ITPR1: variants seen among roughly 807,000 people sequenced by gnomAD.
The protein encoded by ITPR1 is inositol 1,4,5-trisphosphate-gated calcium channel ITPR1.
ITPR1 carries 96 observed loss-of-function variants against 318.4 expected under a neutral mutation model. The observed-to-expected ratio is 0.30, with a 90% CI of 0.26 to 0.36. ITPR1 has a LOEUF of 0.36. Ranked by LOEUF, ITPR1 falls within the 10% of genes least tolerant of loss-of-function variation. The pLI, the probability that ITPR1 is intolerant of heterozygous loss-of-function variation, is 1.00. For missense variants in ITPR1, 2,440 were observed against 3,460.2 expected (o/e 0.71, Z 7.40); for synonymous variants, 1,312 against 1,289.9 (o/e 1.02, Z -0.37).
chr3:4,594,171 C>G (rs2090612969), intron 4 of ITPR1, among the ~76,000 whole-genome samples: 2 of 152,156 alleles, frequency 1.3e-5, no homozygotes, highest in Admixed American at 1.3e-4. Context: ...CCACCTTCAC[C>G]AGGGACTCAC....
intron 2 of ITPR1, among the ~76,000 whole-genome samples, chr3:4,505,249 G>C (rs1201664634): frequency 6.6e-6 from 1 of 152,146 alleles, no homozygotes; most frequent in African/African-American, 2.4e-5. Flanking sequence ...CTGGAGTGCA[G>C]TGGCATGATC....
intron 4 of ITPR1, among the ~76,000 whole-genome samples, chr3:4,582,518 C>T (rs1207592815): frequency 6.6e-6 from 1 of 152,110 alleles, no homozygotes; most frequent in Non-Finnish European, 1.5e-5. Context: ...GTGTGCTTCT[C>T]TATTCTGCTG....
chr3:4,766,717 G>A lies in ITPR1; in HGVS notation c.5725+7G>A, dbSNP rs548259854. ...GCCCCATCACGGAAAAAAGGTAAAT[G>A]TTCCTCAGTCTTCAGTCAGCTGGAT... On this transcript the variant is annotated splice_region_variant and intron_variant, in intron 45 of 61. Transcript: ENST00000649015. The A allele has an allele frequency of 1.3e-6, 2 of 1,589,018 alleles. No individual in the cohort carries two copies. The highest frequency in any genetic ancestry group is 2.3e-5 in the South Asian group (2 of 86,838).
At chr3:4,738,719 G>A (rs1384249688) in intron 44 of ITPR1, among the ~76,000 whole-genome samples, 5 of 151,812 alleles carry the variant, frequency 3.3e-5, no homozygotes, top group African/African-American at 1.2e-4. Flanking sequence ...TCTTTATCTT[G>A]TAAGGTCATT....
chr3:4,697,319 T>G (rs1030645558), intron 34 of ITPR1, 47 bp downstream of exon 34: 1 of 1,093,656 alleles, frequency 9.1e-7, no homozygotes, highest in African/African-American at 2.2e-5. Context: ...GTGAGAGGTG[T>G]GTGTGTGTGT....
At chr3:4,755,519 G>C (rs2044906525) in intron 44 of ITPR1, among the ~76,000 whole-genome samples, 2 of 151,494 alleles carry the variant, frequency 1.3e-5, no homozygotes, top group South Asian at 4.2e-4. Context: ...GATTACAGCT[G>C]TAAGCCACCA....
intron 53 of ITPR1, 65 bp downstream of exon 53, chr3:4,795,252 A>C: frequency 1.3e-6 from 2 of 1,529,156 alleles, no homozygotes; most frequent in Non-Finnish European, 1.8e-6. Context: ...CTTGCATCTC[A>C]GTTGTGGTTC....
At chr3:4,799,616 T>C (rs2048096008) in intron 53 of ITPR1, among the ~76,000 whole-genome samples, 1 of 152,156 alleles carries the variant, frequency 6.6e-6, no homozygotes, top group African/African-American at 2.4e-5. Context: ...AGACTCAAAA[T>C]GTGACAGCAT....
intron 44 of ITPR1, among the ~76,000 whole-genome samples, chr3:4,738,960 G>A (rs1490594668): frequency 6.6e-6 from 1 of 151,808 alleles, no homozygotes; most frequent in East Asian, 1.9e-4. Flanking sequence ...ACCCCTGGGG[G>A]GCCCAGTCTA....
intron 61 of ITPR1, among the ~76,000 whole-genome samples, chr3:4,844,956 T>C (rs2051649031): frequency 2.6e-5 from 4 of 152,226 alleles, no homozygotes; most frequent in Admixed American, 2.6e-4. Flanking sequence ...TCTCCAGATA[T>C]TTTGTACCAA....
At chr3:4,806,922 A>G (rs1009009720) in intron 55 of ITPR1, among the ~76,000 whole-genome samples, 5 of 152,162 alleles carry the variant, frequency 3.3e-5, no homozygotes, top group Non-Finnish European at 7.3e-5. Flanking sequence ...GTGGCGTTGT[A>G]GATAAGAAAC....
chr3:4,798,015 A>G lies in ITPR1; in HGVS notation c.6932-2410A>G, dbSNP rs185363298. On this transcript the variant is annotated intron_variant, in intron 53 of 61. Coordinates refer to ENST00000649015, the MANE Select transcript of ITPR1 (RefSeq NM_001378452.1). Reference sequence around the variant, plus strand: ...AGTTGATTTTTTGGAATCTAGCACTATGTTTTTTAACACTGCCGTTATAGT... The same window carrying G: ...AGTTGATTTTTTGGAATCTAGCACTGTGTTTTTTAACACTGCCGTTATAGT... Among the ~76,000 whole-genome samples, 307 of 152,312 alleles carry G rather than the reference A, an allele frequency of 2.0e-3. 1 individual carries two copies. Among genetic ancestry groups the G allele is most frequent in the African/African-American group, 7.2e-3 (299 of 41,570 alleles).
At chr3:4,564,917 A>G (rs571132261) in intron 4 of ITPR1, among the ~76,000 whole-genome samples, 36 of 152,328 alleles carry the variant, frequency 2.4e-4, no homozygotes, top group Non-Finnish European at 4.3e-4. Flanking sequence ...GAATTTTACA[A>G]TGGGGACGCA....
chr3:4,739,885 G>C (rs543569232), intron 44 of ITPR1, among the ~76,000 whole-genome samples: 2 of 152,306 alleles, frequency 1.3e-5, no homozygotes, highest in Admixed American at 1.3e-4. Flanking sequence ...TGAGAGCTCA[G>C]CTGGGGGTAC....
Position 4,847,215 on chromosome 3 carries a change from A to ACTAT in ITPR1, c.*993_*996dup, listed in dbSNP as rs1383980653. On this transcript the variant is annotated 3_prime_UTR_variant, in exon 62 of 62. Coordinates refer to ENST00000649015, the MANE Select transcript of ITPR1 (RefSeq NM_001378452.1). The stretch of plus-strand genomic sequence containing the variant: ...ACATCCATATAAAGATGAAATATGA[A>ACTAT]CTATCTCATTAGAAGTCATAGTTGA... 2.6e-5 allele frequency: 4 copies of ACTAT among 152,642 alleles called. No homozygotes were observed. The highest frequency in any genetic ancestry group is 4.4e-5 in the Non-Finnish European group (3 of 68,032). 9.5% of individuals were successfully genotyped at this position (152,642 alleles called of 1,614,324 possible).
chr3:4,780,617 C>T (rs2046765634), intron 49 of ITPR1, among the ~76,000 whole-genome samples: 1 of 152,158 alleles, frequency 6.6e-6, no homozygotes, highest in South Asian at 2.1e-4. Flanking sequence ...CCTGAATGTG[C>T]ACTTGGGGGC....
chr3:4,711,311 G>A (rs998658025), intron 38 of ITPR1, among the ~76,000 whole-genome samples: 1 of 151,914 alleles, frequency 6.6e-6, no homozygotes, highest in Non-Finnish European at 1.5e-5. Context: ...ACTTTTCTGG[G>A]CCCCTCTAAG....
Position 4,710,273 on chromosome 3 carries a change from C to T in ITPR1, c.4843-52C>T. On this transcript the variant is annotated intron_variant, in intron 37 of 61. Transcript: ENST00000649015. This position sits in a 1 kb window ranked among gnomAD's most constrained non-coding sequence, Gnocchi z 4.2. ...GGCAGAAATCAATGTCCTCACCCTC[C>T]TGTGGTCAGCGTCTGCCTGAGCCGT... is the stretch of plus-strand genomic sequence containing the variant. The T allele has an allele frequency of 1.4e-6, 2 of 1,465,778 alleles. No homozygotes were observed. Among genetic ancestry groups the T allele is most frequent in the South Asian group, 2.8e-5 (2 of 70,744 alleles). 90.8% of individuals were successfully genotyped at this position (1,465,778 alleles called of 1,614,324 possible).
intron 61 of ITPR1, among the ~76,000 whole-genome samples, chr3:4,842,771 A>G (rs1204508888): frequency 6.6e-6 from 1 of 152,226 alleles, no homozygotes; most frequent in Non-Finnish European, 1.5e-5. Flanking sequence ...CTCAAGAGTC[A>G]ATTTTGTTTC....
Sources: gnomAD v4.1 joint callset for allele counts (sites outside exome capture counted in the v4.1 genomes callset) on GRCh38, gnomAD v4.1.1 for gene constraint, Gnocchi (gnomAD v3.1) non-coding constraint, MANE v1.5 for transcripts, NCBI Gene and HGNC (gene_info 2026-07-23, HGNC 2026-07-21) for gene names.